Variants in KCNIP4 observed in about 807,000 individuals in gnomAD.
KCNIP4 encodes potassium voltage-gated channel interacting protein 4.
A neutral mutation model predicts 34.0 loss-of-function variants in KCNIP4; 12 were observed. The observed-to-expected ratio is 0.35, with a 90% CI of 0.23 to 0.57. The LOEUF (loss-of-function observed/expected upper bound fraction) is 0.57, where lower values mean the gene tolerates loss of function less well. Ranked by LOEUF, KCNIP4 falls within the 20% of genes least tolerant of loss-of-function variation. The pLI is 0.83. For synonymous variants in KCNIP4, 124 were observed against 102.2 expected (o/e 1.21, Z -1.29); for missense variants, 238 against 311.7 (o/e 0.76, Z 1.78).
intron 1 of KCNIP4, among the ~76,000 whole-genome samples, chr4:21,572,633 C>CTGTT (rs1553905289): frequency 7.1e-6 from 1 of 140,730 alleles, no homozygotes; most frequent in African/African-American, 2.6e-5. Context: ...GATCTCTCAT[C>CTGTT]TTTTTTTTTT....
intron 1 of KCNIP4, among the ~76,000 whole-genome samples, chr4:21,818,956 G>C (rs930766424): frequency 2.6e-5 from 4 of 152,144 alleles, no homozygotes; most frequent in African/African-American, 9.7e-5. Flanking sequence ...CAGCTTAAAA[G>C]ATGCAAAAGA....
chr4:21,065,638 C>T (rs545093937), intron 1 of KCNIP4, among the ~76,000 whole-genome samples: 2 of 147,440 alleles, frequency 1.4e-5, no homozygotes, highest in African/African-American at 2.5e-5. Flanking sequence ...GGAATATAAA[C>T]TACAATATAA....
chr4:21,519,781 GTGTA>G (rs1474649626), intron 1 of KCNIP4, among the ~76,000 whole-genome samples: 2 of 135,680 alleles, frequency 1.5e-5, no homozygotes, highest in Non-Finnish European at 3.1e-5. Flanking sequence ...ACACACGTGT[GTGTA>G]TGTGTGTGTA....
At chr4:21,868,698 T>C (rs1560775311) in intron 1 of KCNIP4, among the ~76,000 whole-genome samples, 1 of 152,168 alleles carries the variant, frequency 6.6e-6, no homozygotes, top group Non-Finnish European at 1.5e-5. Context: ...AACGTAGTAA[T>C]TGACTGTCGA....
intron 1 of KCNIP4, among the ~76,000 whole-genome samples, chr4:21,198,485 T>C (rs73109420): frequency 0.028 from 4,317 of 152,278 alleles, 200 homozygotes; most frequent in African/African-American, 0.099. Context: ...CTTTATAGAC[T>C]TTTTGTCTTC....
intron 1 of KCNIP4, among the ~76,000 whole-genome samples, chr4:21,038,602 AC>A (rs1741671329): frequency 6.6e-6 from 1 of 152,200 alleles, no homozygotes; most frequent in Non-Finnish European, 1.5e-5. Flanking sequence ...ATGTAGGCAA[AC>A]AAAAGTCCTA....
At chr4:21,308,843 G>A (rs1242026156) in intron 1 of KCNIP4, among the ~76,000 whole-genome samples, 1 of 152,086 alleles carries the variant, frequency 6.6e-6, no homozygotes, top group Admixed American at 6.6e-5. Flanking sequence ...ACTGAGGAGG[G>A]TGAGAGGCTG....
At chr4:20,906,959 T>A (rs900137605) in intron 1 of KCNIP4, among the ~76,000 whole-genome samples, 1 of 152,216 alleles carries the variant, frequency 6.6e-6, no homozygotes, top group African/African-American at 2.4e-5. Flanking sequence ...TTTTAGAAAC[T>A]CCATGAGAAC....
intron 1 of KCNIP4, among the ~76,000 whole-genome samples, chr4:21,393,272 G>C (rs1397753936): frequency 6.6e-6 from 1 of 152,000 alleles, no homozygotes; most frequent in African/African-American, 2.4e-5. Flanking sequence ...AAATGCTTGG[G>C]TGTTGCATTT....
chr4:21,604,586 A>T (rs1157862874), intron 1 of KCNIP4, among the ~76,000 whole-genome samples: 1 of 152,238 alleles, frequency 6.6e-6, no homozygotes, highest in East Asian at 1.9e-4. Context: ...TTGCTATTGG[A>T]AATTTTTGTC....
At chr4:21,492,760 TTTAGGAAAG>T (rs1732517856) in intron 1 of KCNIP4, among the ~76,000 whole-genome samples, 1 of 152,218 alleles carries the variant, frequency 6.6e-6, no homozygotes, top group Non-Finnish European at 1.5e-5. Flanking sequence ...CCAATTATAT[TTTAGGAAAG>T]AGTCTCATTT....
intron 1 of KCNIP4, among the ~76,000 whole-genome samples, chr4:21,574,106 C>T (rs1382779035): frequency 6.6e-6 from 1 of 152,026 alleles, no homozygotes; most frequent in Non-Finnish European, 1.5e-5. Context: ...ACGACTGTAA[C>T]AGAGTTGAGT....
At chr4:21,093,158 T>C (rs1245221502) in intron 1 of KCNIP4, among the ~76,000 whole-genome samples, 1 of 152,162 alleles carries the variant, frequency 6.6e-6, no homozygotes, top group African/African-American at 2.4e-5. Context: ...GCAGGCAACA[T>C]TGTTTAGAAG....
intron 1 of KCNIP4, among the ~76,000 whole-genome samples, chr4:21,701,334 A>G (rs1201103613): frequency 1.3e-5 from 2 of 152,180 alleles, no homozygotes; most frequent in Non-Finnish European, 2.9e-5. Context: ...CATTTTATTG[A>G]TCAATTGTAC....
intron 1 of KCNIP4, among the ~76,000 whole-genome samples, chr4:21,609,575 G>T (rs1438215163): frequency 1.3e-5 from 2 of 152,172 alleles, no homozygotes; most frequent in Non-Finnish European, 2.9e-5. Context: ...GCTAGGACTA[G>T]ATTTGAAGGG....
In KCNIP4 at chr4:20,730,037, G is replaced by GAATAGTTCACATTT; in HGVS notation, c.*31_*44dup. 1.3e-6 allele frequency: 2 copies of GAATAGTTCACATTT among 1,585,486 alleles called. No homozygotes were observed. Among genetic ancestry groups the GAATAGTTCACATTT allele is most frequent in the Non-Finnish European group, 1.7e-6 (2 of 1,168,124 alleles). On this transcript the variant is annotated 3_prime_UTR_variant, in exon 9 of 9. Transcript: ENST00000382152. ...GGTAGCTCCAACTTTAAGGGTGGTA[G>GAATAGTTCACATTT]AATAGTTCACATTTGTCTGTTGGAT... is the stretch of plus-strand genomic sequence containing the variant.
Position 21,948,575 on chromosome 4 carries a change from T to G in KCNIP4, c.57A>C (p.Thr19=). Residue 19 remains threonine, a synonymous_variant, in exon 1 of 9, where the codon ACA becomes ACC. Transcript: ENST00000382152. ...CGCAAGCTTATTGCATCCTACCGCC[T>G]GTAGAGCTGGCCTCCTCCAGCTGAG... ...ISAQLEEASS[T]GGFLYAQNST... 1.9e-6 allele frequency: 3 copies of G among 1,612,840 alleles called. No individual in the cohort carries two copies. Among genetic ancestry groups the G allele is most frequent in the Non-Finnish European group, 2.5e-6 (3 of 1,179,514 alleles).
At chr4:21,900,927 A>G (rs1727671056) in intron 1 of KCNIP4, among the ~76,000 whole-genome samples, 1 of 152,292 alleles carries the variant, frequency 6.6e-6, no homozygotes, top group African/African-American at 2.4e-5. Context: ...TCAGTGTTCA[A>G]CATGCAGGCT....
chr4:20,906,302 T>A (rs867356155), intron 1 of KCNIP4, among the ~76,000 whole-genome samples: 4 of 152,084 alleles, frequency 2.6e-5, no homozygotes, highest in Non-Finnish European at 5.9e-5. Context: ...CATCCGAAGA[T>A]CCATGTGCCC....
Sources: allele counts gnomAD v4.1 joint callset (sites outside exome capture counted in the v4.1 genomes callset), GRCh38; gene constraint gnomAD v4.1.1; transcripts MANE v1.5; gene names NCBI Gene and HGNC (gene_info 2026-07-23, HGNC 2026-07-21).